ADGRL3: variants seen among roughly 807,000 people sequenced by gnomAD.
The protein encoded by ADGRL3 is adhesion G protein-coupled receptor L3, also known as calcium-independent alpha-latrotoxin receptor 3.
Under a neutral mutation model 153.5 loss-of-function variants are expected in ADGRL3, and 62 were observed. The ratio of observed to expected loss-of-function variants is 0.40; its 90% confidence interval spans 0.33 to 0.50. The LOEUF (loss-of-function observed/expected upper bound fraction) is 0.50. Ranked by LOEUF, ADGRL3 falls within the 20% of genes least tolerant of loss-of-function variation. The pLI is 0.47. For synonymous variants in ADGRL3, 710 were observed against 672.5 expected (o/e 1.06, Z -0.86); for missense variants, 1,641 against 1,859.4 (o/e 0.88, Z 2.16).
At chr4:61,867,514 G>GAATATATATATATATATATATA (rs2098408070) in intron 9 of ADGRL3, among the ~76,000 whole-genome samples, 2 of 15,244 alleles carry the variant, frequency 1.3e-4, no homozygotes, top group Admixed American at 9.0e-4. Flanking sequence ...AAATATATAT[G>GAATATATATATATATATATATA]CATATATATA....
chr4:61,599,133 A>G (rs1020274479), intron 5 of ADGRL3, among the ~76,000 whole-genome samples: 11 of 152,236 alleles, frequency 7.2e-5, no homozygotes, highest in Admixed American at 1.3e-4. Context: ...CTTAGGCTCA[A>G]CAAAGTATGG....
At chr4:61,326,255 G>T (rs546783911) in intron 1 of ADGRL3, among the ~76,000 whole-genome samples, 2 of 152,040 alleles carry the variant, frequency 1.3e-5, no homozygotes, top group Middle Eastern at 3.4e-3. Flanking sequence ...GAATTAGCCG[G>T]TTTTTTTCCT....
intron 1 of ADGRL3, among the ~76,000 whole-genome samples, chr4:61,365,817 G>A (rs1289268373): frequency 1.3e-5 from 2 of 152,124 alleles, no homozygotes. Flanking sequence ...AGAAAAAAAT[G>A]AGAATTTCTA....
intron 1 of ADGRL3, among the ~76,000 whole-genome samples, chr4:61,260,477 C>T (rs1578015840): frequency 6.6e-6 from 1 of 152,026 alleles, no homozygotes; most frequent in Non-Finnish European, 1.5e-5. Flanking sequence ...TTAGACAATG[C>T]GGTATTGTAT....
intron 2 of ADGRL3, among the ~76,000 whole-genome samples, chr4:61,454,232 G>C (rs957198643): frequency 4.5e-4 from 69 of 152,062 alleles, no homozygotes; most frequent in African/African-American, 1.6e-3. Flanking sequence ...CTAGGGTTTA[G>C]CTAAATTTTG....
chr4:61,548,684 T>G (rs1487483437), intron 4 of ADGRL3, among the ~76,000 whole-genome samples: 2 of 152,138 alleles, frequency 1.3e-5, no homozygotes, highest in Non-Finnish European at 1.5e-5. Context: ...TGTATTCTTA[T>G]AGTATAGTTT....
At chr4:61,442,873 G>A (rs931782294) in intron 2 of ADGRL3, among the ~76,000 whole-genome samples, 4 of 152,104 alleles carry the variant, frequency 2.6e-5, no homozygotes, top group Non-Finnish European at 4.4e-5. Flanking sequence ...TTCCAAGCAT[G>A]GAAGGCTTTT....
At chr4:61,546,266 T>C (rs1579450120) in intron 4 of ADGRL3, among the ~76,000 whole-genome samples, 1 of 152,222 alleles carries the variant, frequency 6.6e-6, no homozygotes, top group East Asian at 1.9e-4. Flanking sequence ...TTGCCAGATA[T>C]GTCTGTTTAC....
At chr4:61,907,426 T>A (rs2098701201) in intron 11 of ADGRL3, among the ~76,000 whole-genome samples, 1 of 151,798 alleles carries the variant, frequency 6.6e-6, no homozygotes, top group Admixed American at 6.6e-5. Context: ...GCCCAGCTAA[T>A]GTTTGTATTT....
intron 2 of ADGRL3, among the ~76,000 whole-genome samples, chr4:61,479,667 T>G (rs1191717685): frequency 4.6e-5 from 7 of 152,076 alleles, no homozygotes; most frequent in African/African-American, 1.7e-4. Context: ...TTAAATAAAT[T>G]TGAGGAGTAA....
intron 4 of ADGRL3, among the ~76,000 whole-genome samples, chr4:61,579,173 C>T (rs564880404): frequency 9.2e-5 from 14 of 152,204 alleles, no homozygotes; most frequent in African/African-American, 3.1e-4. Context: ...CTTCAGATGA[C>T]ACCCATGTCT....
intron 4 of ADGRL3, among the ~76,000 whole-genome samples, chr4:61,555,028 C>G (rs866449140): frequency 6.6e-6 from 1 of 152,164 alleles, no homozygotes; most frequent in Non-Finnish European, 1.5e-5. Context: ...GTAGTAAGAG[C>G]TGTCTCATTT....
In ADGRL3 at chr4:62,073,444, G is replaced by A. The variant is rs967559657; in HGVS notation, c.*2536G>A. On this transcript the variant is annotated 3_prime_UTR_variant, in exon 27 of 27. Transcript: ENST00000683033. ...CCACCCGATACATAGAATACATTTGGCAATAAAAGAATCCTTTTTAGATGT... is the reference window on the plus strand; with the variant it reads ...CCACCCGATACATAGAATACATTTGACAATAAAAGAATCCTTTTTAGATGT... 2 of 152,046 alleles carry A rather than the reference G, an allele frequency of 1.3e-5. No homozygotes were observed. The highest frequency in any genetic ancestry group is 4.8e-5 in the African/African-American group (2 of 41,426). 9.4% of individuals were successfully genotyped at this position (152,046 alleles called of 1,614,324 possible).
chr4:61,446,373 A>G (rs758531068), intron 2 of ADGRL3, among the ~76,000 whole-genome samples: 1 of 152,190 alleles, frequency 6.6e-6, no homozygotes, highest in Non-Finnish European at 1.5e-5. Flanking sequence ...AGGCAAGTTA[A>G]TCTGATGAAC....
intron 5 of ADGRL3, among the ~76,000 whole-genome samples, chr4:61,620,347 T>G (rs2092412912): frequency 6.6e-6 from 1 of 152,148 alleles, no homozygotes; most frequent in South Asian, 2.1e-4. Flanking sequence ...TGAAGATACC[T>G]GAGAAACTTC....
At chr4:61,630,682 C>A (rs1194708169) in intron 5 of ADGRL3, among the ~76,000 whole-genome samples, 7 of 152,188 alleles carry the variant, frequency 4.6e-5, no homozygotes, top group African/African-American at 1.2e-4. Flanking sequence ...CTACAGCTGG[C>A]TAGCCAGATA....
In ADGRL3 at chr4:61,780,099, G is replaced by A. The variant is rs186984225; in HGVS notation, c.1400-33710G>A. On this transcript the variant is annotated intron_variant, in intron 8 of 26. Transcript: ENST00000683033. ...GTGTATTAATCTATTAAGAAGCTGT[G>A]GAGCAATATATATATACTACCTTCC... Among the ~76,000 whole-genome samples the A allele has an allele frequency of 2.7e-3, 407 of 152,292 alleles. 2 individuals are homozygous for A. Among genetic ancestry groups the A allele is most frequent in the African/African-American group, 9.4e-3 (389 of 41,568 alleles).
At chr4:61,320,352 G>A (rs557370973) in intron 1 of ADGRL3, among the ~76,000 whole-genome samples, 1 of 152,158 alleles carries the variant, frequency 6.6e-6, no homozygotes, top group Non-Finnish European at 1.5e-5. Context: ...TCCTACTTGT[G>A]TTAGTCAGAG....
chr4:61,705,859 T>A (rs2095849075), intron 6 of ADGRL3, among the ~76,000 whole-genome samples: 1 of 152,202 alleles, frequency 6.6e-6, no homozygotes, highest in African/African-American at 2.4e-5. Flanking sequence ...AAAGAGAGGT[T>A]AAAATACTGA....
Sources: allele counts gnomAD v4.1 joint callset (sites outside exome capture counted in the v4.1 genomes callset), GRCh38; gene constraint gnomAD v4.1.1; transcripts MANE v1.5; gene names NCBI Gene and HGNC (gene_info 2026-07-23, HGNC 2026-07-21).